The following CDCA2 variants were observed in gnomAD, a reference collection of about 807,000 sequenced individuals.
The protein encoded by CDCA2 is cell division cycle-associated protein 2.
Under a neutral mutation model 67.0 loss-of-function variants are expected in CDCA2, and 44 were observed. The observed-to-expected ratio is 0.66, with a 90% CI of 0.52 to 0.84. The LOEUF is 0.84. CDCA2 is among the 40% of genes least tolerant of loss of function. CDCA2 has a pLI of 0.00. For missense variants in CDCA2, 1,253 were observed against 1,203.2 expected (o/e 1.04, Z -0.61); for synonymous variants, 447 against 418.7 (o/e 1.07, Z -0.82).
At position 25,507,080 on chromosome 8, in the gene CDCA2, A is replaced by C; in HGVS notation, c.2414A>C (p.Lys805Thr). ...TTAATTGAAAATACGAAAGAATCTA[A>C]AAGCCAGAGTGAGGATTTGGGAAGA... is the stretch of plus-strand genomic sequence containing the variant. ...DVLIENTKES[K>T]SQSEDLGRKP... The change falls in exon 15 of 15, where the codon AAA becomes ACA. Residue 805 changes from lysine (K) to threonine (T), a missense_variant. Lys to Thr is a moderately conservative substitution (Grantham distance 78). Transcript: ENST00000330560. The C allele has an allele frequency of 6.2e-7, 1 of 1,614,106 alleles. No individual in the cohort carries two copies. The highest frequency in any genetic ancestry group is 8.5e-7 in the Non-Finnish European group (1 of 1,180,002).
intron 7 of CDCA2, among the ~76,000 whole-genome samples, chr8:25,471,357 T>TTCTTCTTCTTC (rs1803147209): frequency 6.6e-6 from 1 of 151,120 alleles, no homozygotes; most frequent in Non-Finnish European, 1.5e-5. Context: ...CAATGTTTTC[T>TTCTTCTTCTTC]TTCTTCTTCT....
At chr8:25,468,554 T>TGCGC (rs1554520625) in intron 6 of CDCA2, 141 bp downstream of exon 6, 152 of 495,544 alleles carry the variant, frequency 3.1e-4, no homozygotes, top group African/African-American at 2.7e-3. Flanking sequence ...TGTGTGTGTG[T>TGCGC]GTGCGTGTGT....
At chr8:25,467,311 T>C (rs79668585) in intron 5 of CDCA2, among the ~76,000 whole-genome samples, 6,692 of 152,240 alleles carry the variant, frequency 0.044, 196 homozygotes, top group South Asian at 0.13. Flanking sequence ...TAAGTGCATT[T>C]CAGCACCTCC....
chr8:25,491,939 AG>A (rs1293116108), intron 13 of CDCA2, among the ~76,000 whole-genome samples: 1 of 152,184 alleles, frequency 6.6e-6, no homozygotes, highest in African/African-American at 2.4e-5. Flanking sequence ...CTGGGACTAC[AG>A]GAACGCACCA....
chr8:25,480,328 T>C (rs1004773259), intron 8 of CDCA2, among the ~76,000 whole-genome samples: 1 of 152,170 alleles, frequency 6.6e-6, no homozygotes, highest in Non-Finnish European at 1.5e-5. Context: ...TTAAGTATCG[T>C]ATATAGCATG....
chr8:25,478,446 G>C (rs140111469), intron 7 of CDCA2, among the ~76,000 whole-genome samples: 1 of 152,082 alleles, frequency 6.6e-6, no homozygotes, highest in Admixed American at 6.5e-5. Context: ...TTTTCACACA[G>C]TAGCCAGAGC....
At chr8:25,499,950 A>G (rs1171515363) in intron 13 of CDCA2, among the ~76,000 whole-genome samples, 3 of 152,170 alleles carry the variant, frequency 2.0e-5, no homozygotes, top group Non-Finnish European at 4.4e-5. Flanking sequence ...TGCTGATGAA[A>G]TCTTCTCATG....
chr8:25,504,180 T>C (rs181539920), intron 14 of CDCA2, among the ~76,000 whole-genome samples: 3 of 152,346 alleles, frequency 2.0e-5, no homozygotes, highest in African/African-American at 4.8e-5. Context: ...AGTTATTTTA[T>C]TATCAAGTCA....
chr8:25,470,098 A>G (rs1803092263), intron 7 of CDCA2, 118 bp downstream of exon 7: 2 of 624,312 alleles, frequency 3.2e-6, no homozygotes, highest in African/African-American at 3.6e-5. Context: ...TTAGGAGCTC[A>G]TGGCCTAGTA....
intron 14 of CDCA2, 141 bp downstream of exon 14, chr8:25,503,685 A>G (rs924786906): frequency 2.7e-6 from 2 of 730,656 alleles, no homozygotes; most frequent in East Asian, 2.8e-5. Flanking sequence ...TCACATTACC[A>G]TGAGGATTTC....
chr8:25,461,412 A>T (rs1802683218), intron 3 of CDCA2, among the ~76,000 whole-genome samples: 2 of 152,216 alleles, frequency 1.3e-5, no homozygotes. Flanking sequence ...TGGATCAGAG[A>T]ATAGCATTTA....
intron 7 of CDCA2, among the ~76,000 whole-genome samples, chr8:25,476,242 A>G (rs1803342630): frequency 6.6e-6 from 1 of 152,202 alleles, no homozygotes; most frequent in Admixed American, 6.5e-5. Context: ...TCTCCCCCAC[A>G]TCACTCCAGT....
At position 25,478,888 on chromosome 8, in the gene CDCA2, G is replaced by GTGTATATATA. The variant is rs1006353040; in HGVS notation, c.821-1024_821-1023insGTATATATAT. On this transcript the variant is annotated intron_variant, in intron 7 of 14. Coordinates refer to ENST00000330560, the MANE Select transcript of CDCA2 (RefSeq NM_152562.4). ...TATATTAACTACTTGTTGTGTGTGT[G>GTGTATATATA]TATATATATATATATATATATATAT... is the stretch of plus-strand genomic sequence containing the variant. Among the ~76,000 whole-genome samples the GTGTATATATA allele has an allele frequency of 1.1e-3, 127 of 111,596 alleles. No individual in the cohort carries two copies. The South Asian group carries it at 0.018, about 16-fold the overall frequency. The allele number at this position is 111,596 out of a possible 152,430, so 73.2% of individuals were successfully genotyped here.
intron 13 of CDCA2, among the ~76,000 whole-genome samples, chr8:25,497,136 A>G (rs1804255221): frequency 6.6e-6 from 1 of 152,136 alleles, no homozygotes; most frequent in African/African-American, 2.4e-5. Flanking sequence ...GTTGTTTATG[A>G]CACAGTGACT....
chr8:25,464,835 T>C (rs1802836948), intron 4 of CDCA2, among the ~76,000 whole-genome samples: 1 of 152,230 alleles, frequency 6.6e-6, no homozygotes, highest in South Asian at 2.1e-4. Context: ...GTTTGTGTCA[T>C]CAAGGATATT....
At chr8:25,468,536 TG>T in intron 6 of CDCA2, 123 bp downstream of exon 6, 1 of 498,732 alleles carries the variant, frequency 2.0e-6, no homozygotes, top group East Asian at 3.2e-5. Flanking sequence ...TCCTGGGGTG[TG>T]TGTGTGTGTG....
chr8:25,480,559 T>C (rs938370850), intron 8 of CDCA2, among the ~76,000 whole-genome samples: 1 of 152,216 alleles, frequency 6.6e-6, no homozygotes, highest in African/African-American at 2.4e-5. Context: ...TTCTCGAAGC[T>C]CAGTCAATAT....
chr8:25,475,336 T>C (rs766108586), intron 7 of CDCA2, among the ~76,000 whole-genome samples: 5 of 152,034 alleles, frequency 3.3e-5, no homozygotes, highest in African/African-American at 7.2e-5. Context: ...CTGACCAATA[T>C]GGTGAAATCC....
At chr8:25,462,338 A>C (rs112774969) in intron 4 of CDCA2, 130 bp downstream of exon 4, 1 of 1,071,692 alleles carries the variant, frequency 9.3e-7, no homozygotes, top group South Asian at 1.5e-5. Flanking sequence ...GAGAACATGC[A>C]GTTAGCGGCC....
Sources: allele counts gnomAD v4.1 joint callset (sites outside exome capture counted in the v4.1 genomes callset), GRCh38; gene constraint gnomAD v4.1.1; transcripts MANE v1.5; gene names NCBI Gene and HGNC (gene_info 2026-07-23, HGNC 2026-07-21).